The following CLSTN2 variants were observed in gnomAD, a reference collection of about 807,000 sequenced individuals.
The protein encoded by CLSTN2 is calsyntenin 2.
A neutral mutation model predicts 101.2 loss-of-function variants in CLSTN2; 48 were observed. The observed-to-expected ratio is 0.47, with a 90% CI of 0.38 to 0.60. The LOEUF (loss-of-function observed/expected upper bound fraction) is 0.60, where lower values mean the gene tolerates loss of function less well. Among genes scored for constraint, CLSTN2 ranks in the 20% least tolerant of loss-of-function variants. The pLI, the probability that CLSTN2 is intolerant of heterozygous loss-of-function variation, is 0.00. For missense variants in CLSTN2, 1,160 were observed against 1,238.2 expected, an observed-to-expected ratio of 0.94 and a Z score of 0.95; for synonymous variants, 481 against 463.6, an observed-to-expected ratio of 1.04 and a Z score of -0.48.
chr3:140,039,413 G>T (rs965192785), intron 1 of CLSTN2, among the ~76,000 whole-genome samples: 1 of 152,098 alleles, frequency 6.6e-6, no homozygotes, highest in Non-Finnish European at 1.5e-5. Flanking sequence ...CTGTCCCACT[G>T]TTAGCTTTTC....
At chr3:139,990,746 A>G (rs1461912586) in intron 1 of CLSTN2, among the ~76,000 whole-genome samples, 3 of 152,162 alleles carry the variant, frequency 2.0e-5, no homozygotes, top group Non-Finnish European at 4.4e-5. Context: ...CTTGGAGTTC[A>G]TAGGCTCAGG....
At chr3:140,298,749 A>C (rs1302763292) in intron 2 of CLSTN2, among the ~76,000 whole-genome samples, 2 of 152,228 alleles carry the variant, frequency 1.3e-5, no homozygotes, top group African/African-American at 4.8e-5. Context: ...CTGTGGATGC[A>C]GTGGGGGTAA....
intron 8 of CLSTN2, among the ~76,000 whole-genome samples, chr3:140,482,891 C>T (rs567533914): frequency 2.0e-5 from 3 of 152,162 alleles, no homozygotes; most frequent in African/African-American, 4.8e-5. Context: ...TTCAAAAGAC[C>T]AGCTCCTGGA....
At chr3:140,061,178 C>T (rs1409470495) in intron 1 of CLSTN2, among the ~76,000 whole-genome samples, 1 of 152,142 alleles carries the variant, frequency 6.6e-6, no homozygotes, top group Non-Finnish European at 1.5e-5. Flanking sequence ...GTGAGCTTTT[C>T]TGAATCAACT....
At chr3:139,972,534 T>TAAAA (rs1935730011) in intron 1 of CLSTN2, among the ~76,000 whole-genome samples, 3 of 152,176 alleles carry the variant, frequency 2.0e-5, no homozygotes, top group Non-Finnish European at 4.4e-5. Flanking sequence ...ACATCACCCC[T>TAAAA]ATTCTCAGAG....
intron 2 of CLSTN2, among the ~76,000 whole-genome samples, chr3:140,383,661 A>T (rs577005354): frequency 6.6e-6 from 1 of 152,218 alleles, no homozygotes; most frequent in South Asian, 2.1e-4. Context: ...TGGGCCTTCT[A>T]CAAATATCCA....
chr3:140,481,342 T>G (rs1393992405), intron 8 of CLSTN2, among the ~76,000 whole-genome samples: 1 of 152,242 alleles, frequency 6.6e-6, no homozygotes, highest in East Asian at 1.9e-4. Flanking sequence ...CTATTTTGGT[T>G]ACTGTAGCCT....
At chr3:140,553,896 C>T (rs1191421285) in intron 10 of CLSTN2, among the ~76,000 whole-genome samples, 2 of 152,094 alleles carry the variant, frequency 1.3e-5, no homozygotes, top group East Asian at 1.9e-4. Context: ...ACTCCCACAG[C>T]GCTTCACTAA....
chr3:140,045,461 T>C (rs548516533), intron 1 of CLSTN2, among the ~76,000 whole-genome samples: 8 of 152,294 alleles, frequency 5.3e-5, no homozygotes, highest in Admixed American at 2.0e-4. Flanking sequence ...TTTGTTGATC[T>C]TTTCAAAAAA....
chr3:140,441,202 A>C (rs2088759290), intron 5 of CLSTN2, among the ~76,000 whole-genome samples: 1 of 152,208 alleles, frequency 6.6e-6, no homozygotes, highest in South Asian at 2.1e-4. Context: ...GCTCTGCACC[A>C]ACTGGCTGTG....
At chr3:140,071,330 G>T (rs1305741490) in intron 1 of CLSTN2, among the ~76,000 whole-genome samples, 1 of 151,920 alleles carries the variant, frequency 6.6e-6, no homozygotes, top group Non-Finnish European at 1.5e-5. Flanking sequence ...GAAAAGGAGG[G>T]TTGATGTATT....
intron 1 of CLSTN2, among the ~76,000 whole-genome samples, chr3:140,143,878 G>T (rs889671981): frequency 6.6e-6 from 1 of 152,252 alleles, no homozygotes; most frequent in Non-Finnish European, 1.5e-5. Flanking sequence ...CACTCACAAA[G>T]TGCCTTTGTG....
At chr3:140,453,747 G>T (rs1450660802) in intron 6 of CLSTN2, among the ~76,000 whole-genome samples, 1 of 152,132 alleles carries the variant, frequency 6.6e-6, no homozygotes, top group East Asian at 1.9e-4. Flanking sequence ...ATTGTTATGT[G>T]TCAATTTAAA....
intron 1 of CLSTN2, among the ~76,000 whole-genome samples, chr3:140,015,073 C>T (rs899943865): frequency 2.0e-5 from 3 of 152,198 alleles, no homozygotes; most frequent in African/African-American, 7.2e-5. Context: ...ATCCATCCCC[C>T]TTGCTCCGTG....
intron 1 of CLSTN2, among the ~76,000 whole-genome samples, chr3:140,041,820 C>T (rs1293822088): frequency 6.6e-6 from 1 of 152,170 alleles, no homozygotes; most frequent in Non-Finnish European, 1.5e-5. Context: ...CTGTCTGGGT[C>T]TCTGCTGTGT....
chr3:140,233,429 G>C (rs575429981), intron 2 of CLSTN2, among the ~76,000 whole-genome samples: 1 of 152,264 alleles, frequency 6.6e-6, no homozygotes, highest in East Asian at 1.9e-4. Context: ...GCACTACCCT[G>C]GTTTGGTTGT....
chr3:140,517,332 T>C (rs1209179488), intron 8 of CLSTN2, among the ~76,000 whole-genome samples: 2 of 152,234 alleles, frequency 1.3e-5, no homozygotes, highest in African/African-American at 4.8e-5. Context: ...CAGATATTTC[T>C]TCTTGGTTTG....
intron 1 of CLSTN2, among the ~76,000 whole-genome samples, chr3:140,087,958 A>C (rs906551661): frequency 2.0e-5 from 3 of 152,146 alleles, no homozygotes; most frequent in Non-Finnish European, 4.4e-5. Context: ...GCTTGTCCCT[A>C]TGCATCTCAT....
At chr3:140,218,738 A>T (rs1429201524) in intron 2 of CLSTN2, among the ~76,000 whole-genome samples, 1 of 152,326 alleles carries the variant, frequency 6.6e-6, no homozygotes, top group East Asian at 1.9e-4. Flanking sequence ...TAAAATAACT[A>T]AAGCCCCATG....
Sources: allele counts gnomAD v4.1 joint callset (sites outside exome capture counted in the v4.1 genomes callset), GRCh38; gene constraint gnomAD v4.1.1; transcripts MANE v1.5; gene names NCBI Gene and HGNC (gene_info 2026-07-23, HGNC 2026-07-21).